Variants in CPAMD8 observed in about 807,000 individuals in gnomAD.
The protein encoded by CPAMD8 is C3 and PZP like alpha-2-macroglobulin domain containing 8.
A neutral mutation model predicts 224.7 loss-of-function variants in CPAMD8; 146 were observed. That is an observed-to-expected ratio of 0.65 (90% CI 0.57 to 0.75). CPAMD8 has a LOEUF of 0.75. CPAMD8 is among the 30% of genes least tolerant of loss of function. CPAMD8 has a pLI of 0.00. For missense variants in CPAMD8, 2,301 were observed against 2,537.5 expected, an observed-to-expected ratio of 0.91 and a Z score of 2.00; for synonymous variants, 966 against 1,044.6, an observed-to-expected ratio of 0.92 and a Z score of 1.45.
rs151195872 is a variant in CPAMD8, at chr19:16,982,887, C to G, written c.1396-2201G>C. Reference sequence around the variant, plus strand: ...GTAGCTCCCATAATTCCCATGTGTTCTGGGAGGGACCCAGTGGGAGATAAC... The same window carrying G: ...GTAGCTCCCATAATTCCCATGTGTTGTGGGAGGGACCCAGTGGGAGATAAC... On this transcript the variant is annotated intron_variant, in intron 13 of 41. Coordinates refer to ENST00000443236, the MANE Select transcript of CPAMD8 (RefSeq NM_015692.5). Among the ~76,000 whole-genome samples, 968 of 152,266 alleles carry G rather than the reference C, an allele frequency of 6.4e-3. 5 individuals are homozygous for G. Among genetic ancestry groups the G allele is most frequent in the African/African-American group, 0.022 (920 of 41,548 alleles).
In CPAMD8 at chr19:16,901,282, C is replaced by A. The variant is rs916136048; in HGVS notation, c.4701G>T (p.Gly1567=). ...CCTCCAGGACAGCCATATTGGAAGA[C>A]CCTGCATGCAGCCACCTTCCAACAA... is the stretch of plus-strand genomic sequence containing the variant. ...LEVCTRWLHA[G]SSNMAVLEVP... Residue 1567 remains glycine, a synonymous_variant, in exon 36 of 42, where the codon GGG becomes GGT. Coordinates refer to ENST00000443236, the MANE Select transcript of CPAMD8 (RefSeq NM_015692.5). The A allele has an allele frequency of 3.1e-6, 5 of 1,611,808 alleles. No individual in the cohort carries two copies. In the African/African-American group the frequency reaches 5.3e-5, roughly 17 times the overall value.
At chr19:17,002,591 C>T (rs907658848) in intron 8 of CPAMD8, 14 of 407,290 alleles carry the variant, frequency 3.4e-5, no homozygotes, top group Non-Finnish European at 4.5e-5. Context: ...ACTTTTAGAC[C>T]ACGTGCTTAG....
intron 26 of CPAMD8, among the ~76,000 whole-genome samples, chr19:16,922,561 A>T (rs2053217851): frequency 6.9e-6 from 1 of 144,284 alleles, no homozygotes; most frequent in African/African-American, 2.6e-5. Flanking sequence ...ACTGCCCCAT[A>T]CCCACAGCAC....
At chr19:16,922,124 G>A (rs1311408369) in intron 26 of CPAMD8, 138 bp from the exon 27 acceptor site, 8 of 611,512 alleles carry the variant, frequency 1.3e-5, no homozygotes, top group South Asian at 3.9e-5. Flanking sequence ...GAATTGCCTC[G>A]AATCACATCT....
chr19:16,895,132 TG>T, intron 41 of CPAMD8: 1 of 152,416 alleles, frequency 6.6e-6, no homozygotes, highest in East Asian at 1.9e-4. Context: ...AGAATAGGCC[TG>T]GCATGGTGGC....
Position 16,971,045 on chromosome 19 carries a change from A to G in CPAMD8, c.2071-12T>C, listed in dbSNP as rs200764938. On this transcript the variant is annotated splice_polypyrimidine_tract_variant and intron_variant, in intron 17 of 41. Transcript: ENST00000443236. ...ACCAGTCCCGTTTCCTAGGCAACAG[A>G]CAACACCCAAACCATTGGTGGGGAA... The G allele has an allele frequency of 2.3e-5, 37 of 1,592,278 alleles. No individual in the cohort carries two copies. The East Asian group carries it at 8.1e-4, about 35-fold the overall frequency.
At chr19:17,011,212 A>G (rs1051765578) in intron 5 of CPAMD8, among the ~76,000 whole-genome samples, 4 of 152,026 alleles carry the variant, frequency 2.6e-5, no homozygotes, top group African/African-American at 9.7e-5. Flanking sequence ...AAAAAAAAAA[A>G]TTAAGCAACA....
intron 11 of CPAMD8, among the ~76,000 whole-genome samples, chr19:16,996,381 A>C (rs1480633328): frequency 6.6e-6 from 1 of 152,002 alleles, no homozygotes; most frequent in African/African-American, 2.4e-5. Flanking sequence ...TGGACACCTC[A>C]AAATTTACCG....
chr19:16,977,630 C>A (rs138639265), intron 14 of CPAMD8, 90 bp from the exon 15 acceptor site: 11 of 944,666 alleles, frequency 1.2e-5, no homozygotes, highest in South Asian at 1.7e-5. Flanking sequence ...ATTTGCCCTG[C>A]GCTATGCTCC....
At position 16,898,214 on chromosome 19, in the gene CPAMD8, G is replaced by C. The variant is rs934997241; in HGVS notation, c.4849-220C>G. On this transcript the variant is annotated intron_variant, in intron 37 of 41. Transcript: ENST00000443236. This position sits in a 1 kb window ranked among gnomAD's most constrained non-coding sequence, Gnocchi z 4.2. ...GGCTGGAGTGCAGTGGCGTGATCTC[G>C]GCTCACTGCAAGCTCGGCCTCCTGG... is the stretch of plus-strand genomic sequence containing the variant. 2.0e-6 allele frequency: 1 copy of C among 488,708 alleles called. No homozygotes were observed. The highest frequency in any genetic ancestry group is 3.7e-5 in the East Asian group (1 of 26,758). 30.3% of individuals were successfully genotyped at this position (488,708 alleles called of 1,614,324 possible).
rs896048917 is a variant in CPAMD8, at chr19:16,897,893, T to C, written c.4950A>G (p.Glu1650=). 6.8e-6 allele frequency: 11 copies of C among 1,608,496 alleles called. No homozygotes were observed. The highest frequency in any genetic ancestry group is 8.5e-6 in the Non-Finnish European group (10 of 1,178,354). The change falls in exon 38 of 42, where the codon GAA becomes GAG. Residue 1650 remains glutamate, a synonymous_variant. Coordinates refer to ENST00000443236, the MANE Select transcript of CPAMD8 (RefSeq NM_015692.5). ...GGTGCGGGCGCGCGGGCCTACCGGG[T>C]TCGTAGTAGTCGTACACGGAGACTG... ...ALPVSVYDYY[E]PAFEATRFYN...
intron 27 of CPAMD8, among the ~76,000 whole-genome samples, chr19:16,917,196 A>T (rs987844871): frequency 2.6e-5 from 4 of 152,220 alleles, no homozygotes; most frequent in Non-Finnish European, 5.9e-5. Flanking sequence ...GTTTGAAACC[A>T]GCCTGGGCAA....
chr19:16,904,285 G>A lies in CPAMD8; in HGVS notation c.4192C>T (p.Pro1398Ser). The A allele has an allele frequency of 6.2e-7, 1 of 1,610,590 alleles. No individual in the cohort carries two copies. Among genetic ancestry groups the A allele is most frequent in the Non-Finnish European group, 8.5e-7 (1 of 1,178,242 alleles). ...TLLGDVAAAL[P>S]VVKWLSQQRN... is the part of the protein sequence containing the mutation. ...TGCTGGGACAGCCACTTCACCACAG[G>A]CAGGGCGGCAGCCACGTCACCCAGC... The change falls in exon 32 of 42, where the codon CCT (proline) becomes TCT (serine). Residue 1398 changes from proline (P) to serine (S), a missense_variant. Physicochemically the swap from Pro to Ser is moderately conservative, Grantham distance 74 (BLOSUM62 -1). Transcript: ENST00000443236.
chr19:16,945,820 C>T (rs2054055808), intron 21 of CPAMD8, 141 bp from the exon 22 acceptor site: 2 of 778,372 alleles, frequency 2.6e-6, no homozygotes, highest in Non-Finnish European at 4.4e-6. Context: ...CAGATGTGTG[C>T]ATGCATGCAA....
chr19:16,988,440 G>A (rs138308645), intron 13 of CPAMD8, among the ~76,000 whole-genome samples: 52 of 152,124 alleles, frequency 3.4e-4, no homozygotes, highest in African/African-American at 1.1e-3. Context: ...GTGAAACCCC[G>A]TCTCTACTAG....
At chr19:16,998,000 C>G (rs1191696444) in intron 10 of CPAMD8, among the ~76,000 whole-genome samples, 1 of 152,164 alleles carries the variant, frequency 6.6e-6, no homozygotes, top group Non-Finnish European at 1.5e-5. Flanking sequence ...AATCCTCATT[C>G]AGAAAGAGCT....
Position 16,904,236 on chromosome 19 carries a change from G to A in CPAMD8, c.4241C>T (p.Ser1414Phe), listed in dbSNP as rs1164577264. Residue 1414 changes from serine (S) to phenylalanine (F), a missense_variant, in exon 32 of 42, where the codon TCC (serine) becomes TTC (phenylalanine). By Grantham distance (155) the Ser-to-Phe change is radical. Around this residue, in one of 4 missense-constraint regions of CPAMD8, gnomAD observed 1,709 missense variants for 1,753.2 expected, o/e 0.97. Transcript: ENST00000443236. ...SQQRNALGGF[S>F]STQDTCVALQ... ...CCCTGCCCGGCTCGCCTGAGTGGAG[G>A]AGAAGCCCCCAAGTGCATTTCGCTG... The A allele has an allele frequency of 4.3e-6, 7 of 1,611,816 alleles. No individual in the cohort carries two copies. Among genetic ancestry groups the A allele is most frequent in the Non-Finnish European group, 5.9e-6 (7 of 1,179,532 alleles).
intron 29 of CPAMD8, 119 bp downstream of exon 29, chr19:16,914,305 C>A: frequency 2.7e-6 from 2 of 749,684 alleles, no homozygotes; most frequent in Non-Finnish European, 4.6e-6. Flanking sequence ...GAAAAAGCCT[C>A]GATAATGAGC....
chr19:16,929,853 A>G (rs921946273), intron 23 of CPAMD8, among the ~76,000 whole-genome samples: 7 of 152,232 alleles, frequency 4.6e-5, no homozygotes, highest in African/African-American at 1.7e-4. Context: ...GACTATCATG[A>G]ACATTAGAGT....
Sources: allele counts gnomAD v4.1 joint callset (sites outside exome capture counted in the v4.1 genomes callset), GRCh38; gene constraint gnomAD v4.1.1; regional missense constraint gnomAD v4.1.1; non-coding constraint Gnocchi (gnomAD v3.1); transcripts MANE v1.5; gene names NCBI Gene and HGNC (gene_info 2026-07-23, HGNC 2026-07-21).